Variants in MRAP observed in about 807,000 individuals in gnomAD.
MRAP encodes the protein melanocortin 2 receptor accessory protein.
A neutral mutation model predicts 8.7 loss-of-function variants in MRAP; 8 were observed. The observed-to-expected ratio is 0.92, with a 90% CI of 0.54 to 1.66. The LOEUF (loss-of-function observed/expected upper bound fraction) is 1.66, where lower values mean the gene tolerates loss of function less well. Among genes scored for constraint, MRAP ranks in the 40% most tolerant of loss-of-function variants. The pLI is 0.00. For synonymous variants in MRAP, 95 were observed against 95.5 expected (o/e 1.00, Z 0.03); for missense variants, 237 against 217.1 (o/e 1.09, Z -0.58).
At chr21:32,294,541 T>A (rs554857916), upstream of MRAP, among the ~76,000 whole-genome samples, 7 of 152,334 alleles carry the variant, frequency 4.6e-5, no homozygotes, top group South Asian at 1.2e-3. Flanking sequence ...GCCAGTTTTT[T>A]AATTGGGTTA....
chr21:32,314,425 T>C, downstream of MRAP: 4 of 789,550 alleles, frequency 5.1e-6, no homozygotes, highest in Non-Finnish European at 8.8e-6. Context: ...CCTCAGGTGA[T>C]TCACCCGCCT....
chr21:32,301,275 T>C (rs2032293866), intron 1 of MRAP, among the ~76,000 whole-genome samples: 2 of 152,114 alleles, frequency 1.3e-5, no homozygotes, highest in Non-Finnish European at 1.5e-5. Context: ...TTAGGATGGA[T>C]TGTAAAATGT....
chr21:32,307,614 A>G (rs981400416), intron 2 of MRAP, among the ~76,000 whole-genome samples: 3 of 151,382 alleles, frequency 2.0e-5, no homozygotes, highest in Admixed American at 2.0e-4. Flanking sequence ...AAATTAAGCC[A>G]GGCCCAGTAG....
downstream of MRAP, chr21:32,314,367 T>A (rs2032644159): frequency 3.7e-6 from 2 of 534,368 alleles, no homozygotes; most frequent in Non-Finnish European, 6.9e-6. Flanking sequence ...GTATTTTTAG[T>A]AGAGATGGGG....
chr21:32,292,288 T>G (rs1460771350), intron 1 of MRAP, among the ~76,000 whole-genome samples: 1 of 152,222 alleles, frequency 6.6e-6, no homozygotes, highest in Non-Finnish European at 1.5e-5. Context: ...TTGGCCATGA[T>G]TTGATAAAAA....
upstream of MRAP, among the ~76,000 whole-genome samples, chr21:32,295,309 C>T (rs934687185): frequency 6.6e-6 from 1 of 152,274 alleles, no homozygotes; most frequent in South Asian, 2.1e-4. Context: ...TGTCTTTGGG[C>T]TTTATATGTG....
chr21:32,306,528 C>A, intron 1 of MRAP, 112 bp from the exon 2 acceptor site: 1 of 819,256 alleles, frequency 1.2e-6, no homozygotes, highest in Non-Finnish European at 2.1e-6. Flanking sequence ...GGCTGGAGGA[C>A]AACCGAAACT....
At position 32,298,893 on chromosome 21, in the gene MRAP, G is replaced by A; in HGVS notation, c.-79G>A. 2.1e-6 allele frequency: 2 copies of A among 951,660 alleles called. No homozygotes were observed. Among genetic ancestry groups the A allele is most frequent in the Non-Finnish European group, 3.4e-6 (2 of 587,604 alleles). The allele number at this position is 951,660 out of a possible 1,614,324, so 59.0% of individuals were successfully genotyped here. A position where few individuals can be genotyped will look rare whatever the true frequency, so the allele number is the denominator to read the frequency against. On this transcript the variant is annotated 5_prime_UTR_variant, in exon 1 of 3. Coordinates refer to ENST00000303645, the MANE Select transcript of MRAP (RefSeq NM_001379228.1). ...GACGATTCCTGCAGAAATCAGTGAG[G>A]CAGTCTCCTCCCAGGGGCTTGGCGC...
At chr21:32,306,960 T>C (rs2123515270) in intron 2 of MRAP, 2 of 599,758 alleles carry the variant, frequency 3.3e-6, no homozygotes, top group Middle Eastern at 4.5e-4. Context: ...GTGCTCAGTA[T>C]GTTGCAGATT....
intron 2 of MRAP, chr21:32,308,508 T>C (rs2032472568): frequency 6.5e-6 from 1 of 152,676 alleles, no homozygotes; most frequent in African/African-American, 2.4e-5. Flanking sequence ...TAAGGAGTAA[T>C]TGGAACCCAC....
At chr21:32,304,252 T>C (rs1440308828) in intron 1 of MRAP, among the ~76,000 whole-genome samples, 2 of 152,158 alleles carry the variant, frequency 1.3e-5, no homozygotes, top group Non-Finnish European at 2.9e-5. Flanking sequence ...AGATTGTAAC[T>C]CTTCGGGAGT....
chr21:32,298,895 A>AG lies in MRAP; in HGVS notation c.-76dup. On this transcript the variant is annotated 5_prime_UTR_variant, in exon 1 of 3. Transcript: ENST00000303645. ...CGATTCCTGCAGAAATCAGTGAGGC[A>AG]GTCTCCTCCCAGGGGCTTGGCGCCT... is the stretch of plus-strand genomic sequence containing the variant. 2.1e-6 allele frequency: 2 copies of AG among 973,736 alleles called. No homozygotes were observed. The highest frequency in any genetic ancestry group is 1.6e-6 in the Non-Finnish European group (1 of 606,106). The allele number at this position is 973,736 out of a possible 1,614,324, so 60.3% of individuals were successfully genotyped here.
chr21:32,300,520 G>A (rs1027083818), intron 1 of MRAP, among the ~76,000 whole-genome samples: 4 of 149,354 alleles, frequency 2.7e-5, no homozygotes, highest in Non-Finnish European at 4.4e-5. Context: ...CCTATGTCAC[G>A]TCATGCGTCG....
At chr21:32,300,854 CAGG>C (rs2032273485) in intron 1 of MRAP, among the ~76,000 whole-genome samples, 2 of 150,562 alleles carry the variant, frequency 1.3e-5, no homozygotes, top group Non-Finnish European at 3.0e-5. Context: ...CGCCCTATGT[CAGG>C]GGCGTCATGC....
At position 32,300,639 on chromosome 21, in the gene MRAP, C is replaced by T. The variant is rs529268863; in HGVS notation, c.106+1562C>T. On this transcript the variant is annotated intron_variant, in intron 1 of 2. Coordinates refer to ENST00000303645, the MANE Select transcript of MRAP (RefSeq NM_001379228.1). ...CGCGTCGTATGTCAGATGCGTCACA[C>T]GTCCTATGCCGGGGGCGTCACACGT... Among the ~76,000 whole-genome samples the T allele has an allele frequency of 3.4e-5, 5 of 148,772 alleles. No homozygotes were observed. In the East Asian group the frequency reaches 1.0e-3, roughly 30 times the overall value.
chr21:32,306,322 C>CT, intron 1 of MRAP: 1 of 391,054 alleles, frequency 2.6e-6, no homozygotes, highest in East Asian at 6.4e-5. Flanking sequence ...GACTGTTCCT[C>CT]TGAGCACCAC....
chr21:32,292,085 T>G (rs2032059047), intron 1 of MRAP, among the ~76,000 whole-genome samples: 1 of 152,018 alleles, frequency 6.6e-6, no homozygotes, highest in African/African-American at 2.4e-5. Flanking sequence ...AAGGAAAATG[T>G]GAGCATTGAC....
rs74927734 is a variant in MRAP, at chr21:32,292,148, T to TAA, written c.-151+308_-151+309dup. 2.4e-4 allele frequency among the ~76,000 whole-genome samples: 36 copies of TAA among 149,408 alleles called. No individual in the cohort carries two copies. In the East Asian group the frequency reaches 2.7e-3, roughly 11 times the overall value. The stretch of plus-strand genomic sequence containing the variant: ...TCAGGTGGGATAATATGGTTTTGTT[T>TAA]AAAAAAAAAAGCCCTCCTGCAGAGA... On this transcript the variant is annotated intron_variant, in intron 1 of 4. Coordinates refer to the MRAP transcript ENST00000399784.
At chr21:32,302,048 T>C (rs1401363534) in intron 1 of MRAP, among the ~76,000 whole-genome samples, 1 of 152,258 alleles carries the variant, frequency 6.6e-6, no homozygotes, top group Non-Finnish European at 1.5e-5. Flanking sequence ...TGAATTTCCA[T>C]CAAGGTAGCA....
Sources: allele counts gnomAD v4.1 joint callset (sites outside exome capture counted in the v4.1 genomes callset), GRCh38; gene constraint gnomAD v4.1.1; transcripts MANE v1.5; gene names NCBI Gene and HGNC (gene_info 2026-07-23, HGNC 2026-07-21).